INO80D: variants seen among roughly 807,000 people sequenced by gnomAD.
INO80D encodes INO80 complex subunit D.
A neutral mutation model predicts 87.6 loss-of-function variants in INO80D; 21 were observed. The observed-to-expected ratio is 0.24, with a 90% CI of 0.17 to 0.35. The LOEUF (loss-of-function observed/expected upper bound fraction) is 0.35. INO80D is among the 10% of genes least tolerant of loss of function. The pLI is 1.00. For missense variants in INO80D, 982 were observed against 1,280.7 expected (o/e 0.77, Z 3.56); for synonymous variants, 440 against 491.0 (o/e 0.90, Z 1.37).
At chr2:206,079,463 T>G (rs1257503054) in intron 1 of INO80D, among the ~76,000 whole-genome samples, 1 of 152,164 alleles carries the variant, frequency 6.6e-6, no homozygotes, top group Non-Finnish European at 1.5e-5. Flanking sequence ...CTAGCCCAAA[T>G]TTGTCTACTT....
At chr2:206,078,881 T>C (rs550649714) in intron 1 of INO80D, among the ~76,000 whole-genome samples, 71 of 152,148 alleles carry the variant, frequency 4.7e-4, no homozygotes, top group Non-Finnish European at 7.6e-4. Flanking sequence ...AGGCAGAGAT[T>C]GCAGTGAGCC....
intron 3 of INO80D, among the ~76,000 whole-genome samples, chr2:206,058,051 C>A (rs1346337570): frequency 6.6e-6 from 1 of 152,080 alleles, no homozygotes; most frequent in African/African-American, 2.4e-5. Flanking sequence ...GGTCTTGAAG[C>A]TTGTGAATTT....
intron 1 of INO80D, among the ~76,000 whole-genome samples, chr2:206,069,947 T>TTCCTTATA (rs1689916074): frequency 6.6e-6 from 1 of 152,180 alleles, no homozygotes; most frequent in South Asian, 2.1e-4. Context: ...AGAGCAGATT[T>TTCCTTATA]GTGGAAACTA....
chr2:206,023,295 T>G (rs1362534747), intron 6 of INO80D, among the ~76,000 whole-genome samples: 2 of 152,180 alleles, frequency 1.3e-5, no homozygotes, highest in Non-Finnish European at 2.9e-5. Context: ...TTATGTATCT[T>G]TTTTTGAAAC....
chr2:206,061,923 C>T (rs1001014069), intron 3 of INO80D, among the ~76,000 whole-genome samples: 6 of 152,132 alleles, frequency 3.9e-5, no homozygotes. Flanking sequence ...TTTTGGAAAA[C>T]AAGCATGTAT....
chr2:206,080,710 A>G (rs1359935929), intron 1 of INO80D, among the ~76,000 whole-genome samples: 2 of 151,972 alleles, frequency 1.3e-5, no homozygotes, highest in African/African-American at 2.4e-5. Context: ...GACCGAGACC[A>G]TCCTGGCTAA....
chr2:206,024,695 T>A (rs1688555088), intron 6 of INO80D, among the ~76,000 whole-genome samples: 1 of 152,142 alleles, frequency 6.6e-6, no homozygotes, highest in South Asian at 2.1e-4. Flanking sequence ...AACAGGTATA[T>A]AAGTAATATG....
intron 5 of INO80D, among the ~76,000 whole-genome samples, chr2:206,037,963 G>A (rs1381701539): frequency 6.6e-6 from 1 of 152,186 alleles, no homozygotes; most frequent in Admixed American, 6.5e-5. Context: ...CTTATTATAA[G>A]TGAAACAAGC....
At chr2:206,040,519 A>G in intron 5 of INO80D, 2 of 225,904 alleles carry the variant, frequency 8.9e-6, no homozygotes, top group Admixed American at 8.5e-5. Flanking sequence ...CGTAAAGAAC[A>G]TTAATGATGG....
intron 8 of INO80D, among the ~76,000 whole-genome samples, chr2:206,010,059 GTCT>G: frequency 8.4e-6 from 1 of 118,494 alleles, no homozygotes; most frequent in Admixed American, 9.0e-5. Flanking sequence ...AGTTGACACT[GTCT>G]ACACACACAC....
In INO80D at chr2:206,085,440, A is replaced by G. The variant is rs1244229244; in HGVS notation, c.-124+461T>C. 7 of 151,240 alleles carry G rather than the reference A, an allele frequency of 4.6e-5. No individual in the cohort carries two copies. The highest frequency in any genetic ancestry group is 8.9e-5 in the Non-Finnish European group (6 of 67,752). The allele number at this position is 151,240 out of a possible 1,614,324, so 9.4% of individuals were successfully genotyped here. Reference sequence around the variant, plus strand: ...CAGCCCGGGCCTGCCGCCCCGCGGGAAAGCCTCCGGGCCGGCGCGGGATTC... The same window carrying G: ...CAGCCCGGGCCTGCCGCCCCGCGGGGAAGCCTCCGGGCCGGCGCGGGATTC... On this transcript the variant is annotated intron_variant, in intron 1 of 10. Transcript: ENST00000403263. This position sits in a 1 kb window ranked among gnomAD's most constrained non-coding sequence, Gnocchi z 4.5.
In INO80D at chr2:206,042,696, C is replaced by G. The variant is rs565807520; in HGVS notation, c.1073+3808G>C. On this transcript the variant is annotated intron_variant, in intron 5 of 10. Transcript: ENST00000403263. ...ACTTTGTCTCAAAAAAAAAAAAAAGCCTTTAGGGCTGGGTACAGCAGCTCA... is the reference window on the plus strand; with the variant it reads ...ACTTTGTCTCAAAAAAAAAAAAAAGGCTTTAGGGCTGGGTACAGCAGCTCA... Among the ~76,000 whole-genome samples, 8 of 128,114 alleles carry G rather than the reference C, an allele frequency of 6.2e-5. No individual in the cohort carries two copies. The South Asian group carries it at 8.5e-4, about 14-fold the overall frequency. 84.0% of individuals were successfully genotyped at this position (128,114 alleles called of 152,430 possible).
chr2:206,027,514 T>C (rs1280061400), intron 6 of INO80D, among the ~76,000 whole-genome samples: 1 of 152,060 alleles, frequency 6.6e-6, no homozygotes, highest in East Asian at 1.9e-4. Context: ...GCTTGGGCAA[T>C]ACAGCGAGAC....
chr2:206,080,075 A>G (rs377105770), intron 1 of INO80D, among the ~76,000 whole-genome samples: 76 of 152,348 alleles, frequency 5.0e-4, no homozygotes, highest in African/African-American at 1.7e-3. Context: ...TCACATTGGC[A>G]TTGTAAATGT....
Position 206,007,379 on chromosome 2 carries a change from G to C in INO80D, c.1823C>G (p.Thr608Ser). 6.2e-7 allele frequency: 1 copy of C among 1,613,812 alleles called. No homozygotes were observed. ...ELPDDIANEITDIPHDLELNQ... is the reference protein window; with the variant it reads ...ELPDDIANEISDIPHDLELNQ... ...CAATTCCAAGTCATGTGGAATGTCA[G>C]TGATCTCATTGGCAATGTCATCCGG... Residue 608 changes from threonine to serine, a missense_variant, in exon 10 of 11, where the codon ACT (threonine) becomes AGT (serine). Thr to Ser is a moderately conservative substitution (Grantham distance 58, BLOSUM62 1). Transcript: ENST00000403263.
chr2:206,006,455 G>C (rs1688026840), intron 10 of INO80D, among the ~76,000 whole-genome samples: 2 of 152,012 alleles, frequency 1.3e-5, no homozygotes, highest in African/African-American at 4.8e-5. Context: ...GGCCAAGGCA[G>C]GTGGATCACC....
intron 6 of INO80D, chr2:206,025,511 A>T (rs1688583646): frequency 7.2e-6 from 1 of 138,080 alleles, no homozygotes; most frequent in Admixed American, 8.0e-5. Flanking sequence ...CTACACAAGA[A>T]GAGTGAAACT....
chr2:206,005,554 G>T, intron 10 of INO80D, 21 bp from the exon 11 acceptor site: 1 of 1,569,794 alleles, frequency 6.4e-7, no homozygotes, highest in South Asian at 1.1e-5. Flanking sequence ...AAAAGCCATC[G>T]ACAATCAGTA....
At chr2:206,042,917 A>G (rs1689092341) in intron 5 of INO80D, among the ~76,000 whole-genome samples, 1 of 152,156 alleles carries the variant, frequency 6.6e-6, no homozygotes, top group Non-Finnish European at 1.5e-5. Context: ...GGCTGCAGTG[A>G]ACTATGATCT....
Sources: allele counts gnomAD v4.1 joint callset (sites outside exome capture counted in the v4.1 genomes callset), GRCh38; gene constraint gnomAD v4.1.1; non-coding constraint Gnocchi (gnomAD v3.1); transcripts MANE v1.5; gene names NCBI Gene and HGNC (gene_info 2026-07-23, HGNC 2026-07-21).